IL1RAPL2: variants seen among roughly 807,000 people sequenced by gnomAD.
The protein encoded by IL1RAPL2 is X-linked interleukin-1 receptor accessory protein-like 2.
IL1RAPL2 carries 3 observed loss-of-function variants against 44.1 expected under a neutral mutation model. The observed-to-expected ratio is 0.07, with a 90% CI of 0.03 to 0.18. IL1RAPL2 has a LOEUF of 0.18. Ranked by LOEUF, IL1RAPL2 falls within the 10% of genes least tolerant of loss-of-function variation. The probability of loss-of-function intolerance (pLI) is 1.00; values close to 1 mark genes in which losing one functional copy is unlikely to be tolerated. For missense variants in IL1RAPL2, 391 were observed against 496.4 expected (o/e 0.79, Z 2.02); for synonymous variants, 181 against 178.8 (o/e 1.01, Z -0.10).
chrX:105,751,570 GTAA>G (rs1316934688), intron 9 of IL1RAPL2, among the ~76,000 whole-genome samples: 1 of 111,549 alleles, frequency 9.0e-6, no homozygotes, highest in Admixed American at 9.6e-5. Context: ...AAGGTGTCCA[GTAA>G]TATAGAGCAT....
At chrX:105,053,163 T>C (rs2031950440) in intron 2 of IL1RAPL2, among the ~76,000 whole-genome samples, 1 of 111,264 alleles carries the variant, frequency 9.0e-6, no homozygotes, top group Admixed American at 9.6e-5. Context: ...CTGAAGAAGT[T>C]ACTTTCCAAT....
chrX:105,032,468 C>T (rs920183655), intron 2 of IL1RAPL2, among the ~76,000 whole-genome samples: 1 of 110,635 alleles, frequency 9.0e-6, no homozygotes, highest in Non-Finnish European at 1.9e-5. Flanking sequence ...TTATTTCTGC[C>T]TTCATTTCGT....
At chrX:105,209,980 A>T (rs1254739884) in intron 3 of IL1RAPL2, among the ~76,000 whole-genome samples, 1 of 109,540 alleles carries the variant, frequency 9.1e-6, no homozygotes, top group Non-Finnish European at 1.9e-5. Flanking sequence ...GCCCTACCCC[A>T]ATCGTGTTTT....
chrX:104,665,052 C>G lies in IL1RAPL2; in HGVS notation c.82+6057C>G, dbSNP rs746165848. ...AAGTTGCTTGAATTAATTTCTTTTT[C>G]TCTGTGGTCATGTTATTAATTCAAT... is the stretch of plus-strand genomic sequence containing the variant. On this transcript the variant is annotated intron_variant, in intron 2 of 10. Coordinates refer to ENST00000372582, the MANE Select transcript of IL1RAPL2 (RefSeq NM_017416.2). Among the ~76,000 whole-genome samples the G allele has an allele frequency of 2.7e-5, 3 of 110,759 alleles. No individual in the cohort carries two copies. The East Asian group carries it at 8.5e-4, about 31-fold the overall frequency.
At chrX:105,259,871 A>G (rs1188310989) in intron 4 of IL1RAPL2, among the ~76,000 whole-genome samples, 1 of 111,990 alleles carries the variant, frequency 8.9e-6, no homozygotes, top group Non-Finnish European at 1.9e-5. Flanking sequence ...AGGCACCCAC[A>G]TAACAGTCTG....
chrX:104,997,837 A>G (rs970031763), intron 2 of IL1RAPL2, among the ~76,000 whole-genome samples: 2 of 111,748 alleles, frequency 1.8e-5, no homozygotes, highest in South Asian at 7.5e-4. Flanking sequence ...GATTGAGGGT[A>G]GAAATCAAGA....
At chrX:104,828,978 C>G (rs935047363) in intron 2 of IL1RAPL2, among the ~76,000 whole-genome samples, 2 of 112,291 alleles carry the variant, frequency 1.8e-5, no homozygotes, top group African/African-American at 6.5e-5. Flanking sequence ...CGCCCCTCCC[C>G]CAACCAAGCT....
At chrX:105,649,152 A>T in intron 6 of IL1RAPL2, among the ~76,000 whole-genome samples, 1 of 111,679 alleles carries the variant, frequency 9.0e-6, no homozygotes, top group Non-Finnish European at 1.9e-5. Context: ...CTAGATAAAA[A>T]GAAATGTGTC....
chrX:105,734,375 T>A (rs1485255062), intron 7 of IL1RAPL2, among the ~76,000 whole-genome samples: 2 of 110,240 alleles, frequency 1.8e-5, no homozygotes, highest in Middle Eastern at 4.7e-3. Context: ...CATGATAAAG[T>A]GGTTTCCCTT....
rs752728964 is a variant in IL1RAPL2, at chrX:104,786,549, G to A, written c.82+127554G>A. 7.2e-5 allele frequency among the ~76,000 whole-genome samples: 8 copies of A among 111,601 alleles called. No individual in the cohort carries two copies. The South Asian group carries it at 3.0e-3, about 42-fold the overall frequency. ...CAACCTGCCCAAGGTCATATAGCTG[G>A]GCAATGTAGAATGCAGGGCTGCTAA... On this transcript the variant is annotated intron_variant, in intron 2 of 10. Transcript: ENST00000372582.
chrX:104,570,683 C>G (rs941639949), intron 1 of IL1RAPL2, among the ~76,000 whole-genome samples: 27 of 112,178 alleles, frequency 2.4e-4, no homozygotes, highest in African/African-American at 7.5e-4. Flanking sequence ...TTCTTTTGGG[C>G]TTCCCCAGCC....
intron 2 of IL1RAPL2, among the ~76,000 whole-genome samples, chrX:104,724,199 T>C (rs747703127): frequency 9.0e-6 from 1 of 111,397 alleles, no homozygotes; most frequent in East Asian, 2.8e-4. Context: ...AATATGGAGC[T>C]ACAGAGATTA....
chrX:104,915,495 A>AT (rs886963206), intron 2 of IL1RAPL2, among the ~76,000 whole-genome samples: 12 of 110,245 alleles, frequency 1.1e-4, no homozygotes, highest in African/African-American at 3.0e-4. Context: ...GATTGCAAAA[A>AT]TTTTTTTTCC....
At chrX:105,439,249 T>C (rs1012181275) in intron 5 of IL1RAPL2, among the ~76,000 whole-genome samples, 1 of 111,628 alleles carries the variant, frequency 9.0e-6, no homozygotes, top group Non-Finnish European at 1.9e-5. Context: ...GCTTGAACTT[T>C]ATCTCTTCTG....
At chrX:105,110,906 C>T (rs762094796) in intron 2 of IL1RAPL2, among the ~76,000 whole-genome samples, 1 of 111,274 alleles carries the variant, frequency 9.0e-6, no homozygotes, top group South Asian at 3.8e-4. Flanking sequence ...CACTGCACTC[C>T]AGCCTGGGCA....
intron 2 of IL1RAPL2, among the ~76,000 whole-genome samples, chrX:105,005,781 A>T (rs916292828): frequency 3.6e-5 from 4 of 110,840 alleles, no homozygotes; most frequent in Non-Finnish European, 7.6e-5. Flanking sequence ...AATTATACAA[A>T]CTTAAATAAC....
intron 2 of IL1RAPL2, among the ~76,000 whole-genome samples, chrX:104,957,918 C>G (rs2029931509): frequency 9.0e-6 from 1 of 110,820 alleles, no homozygotes; most frequent in Admixed American, 9.6e-5. Flanking sequence ...GAGACCTCAT[C>G]TCTACTAAAA....
intron 5 of IL1RAPL2, among the ~76,000 whole-genome samples, chrX:105,373,456 A>G (rs1198986599): frequency 2.7e-5 from 3 of 111,228 alleles, no homozygotes; most frequent in African/African-American, 3.3e-5. Context: ...ATTTTCTCCC[A>G]TTCCTTAGGT....
At chrX:104,719,950 T>A (rs1390192951) in intron 2 of IL1RAPL2, among the ~76,000 whole-genome samples, 1 of 111,065 alleles carries the variant, frequency 9.0e-6, no homozygotes, top group African/African-American at 3.3e-5. Context: ...TCTGTGTGCT[T>A]TCTGCAGATA....
Sources: gnomAD v4.1 joint callset for allele counts (sites outside exome capture counted in the v4.1 genomes callset) on GRCh38, gnomAD v4.1.1 for gene constraint, MANE v1.5 for transcripts, NCBI Gene and HGNC (gene_info 2026-07-23, HGNC 2026-07-21) for gene names.